EBF2: variants seen among roughly 807,000 people sequenced by gnomAD.
EBF2 encodes EBF transcription factor 2, also known as transcription factor COE2.
Under a neutral mutation model 72.8 loss-of-function variants are expected in EBF2, and 21 were observed. The observed-to-expected ratio is 0.29, with a 90% CI of 0.20 to 0.42. EBF2 has a LOEUF of 0.42. Ranked by LOEUF, EBF2 falls within the 10% of genes least tolerant of loss-of-function variation. The probability of loss-of-function intolerance (pLI) is 1.00; values close to 1 mark genes in which losing one functional copy is unlikely to be tolerated. For synonymous variants in EBF2, 299 were observed against 274.2 expected (o/e 1.09, Z -0.89); for missense variants, 637 against 731.2 (o/e 0.87, Z 1.49).
intron 7 of EBF2, among the ~76,000 whole-genome samples, chr8:25,900,073 C>T (rs1802925968): frequency 6.6e-6 from 1 of 152,214 alleles, no homozygotes; most frequent in Admixed American, 6.5e-5. Flanking sequence ...TCCAGCAGGC[C>T]CATCCTGGGC....
rs891709267 is a variant in EBF2 at position 25,844,469 on chromosome 8, T to C, written c.*140A>G. 2.9e-5 allele frequency: 26 copies of C among 887,866 alleles called. No individual in the cohort carries two copies. The African/African-American group carries it at 3.3e-4, about 11-fold the overall frequency. The allele number at this position is 887,866 out of a possible 1,614,324, so 55.0% of individuals were successfully genotyped here. On this transcript the variant is annotated 3_prime_UTR_variant, in exon 16 of 16. Coordinates refer to ENST00000520164, the MANE Select transcript of EBF2 (RefSeq NM_022659.4). ...TAGGAGGACGTGGGACCAAGTAAGATGCTGGCTCCTTGCAGACCCAAGGGT... is the reference window on the plus strand; with the variant it reads ...TAGGAGGACGTGGGACCAAGTAAGACGCTGGCTCCTTGCAGACCCAAGGGT...
intron 6 of EBF2, among the ~76,000 whole-genome samples, chr8:25,944,788 T>C (rs930463928): frequency 4.4e-4 from 65 of 149,346 alleles, no homozygotes; most frequent in Non-Finnish European, 2.5e-4. Context: ...TATATAATTA[T>C]ACATGTATAT....
chr8:25,912,703 A>G (rs1379111868), intron 6 of EBF2, among the ~76,000 whole-genome samples: 2 of 152,170 alleles, frequency 1.3e-5, no homozygotes, highest in African/African-American at 4.8e-5. Context: ...AAGTTCAGGC[A>G]CAGTGGCAAG....
At chr8:25,909,657 C>T (rs1294343167) in intron 6 of EBF2, among the ~76,000 whole-genome samples, 1 of 152,164 alleles carries the variant, frequency 6.6e-6, no homozygotes, top group Non-Finnish European at 1.5e-5. Context: ...GTGAAATGTT[C>T]TCATTGCGAC....
intron 6 of EBF2, among the ~76,000 whole-genome samples, chr8:25,945,012 AT>A (rs1803742191): frequency 6.6e-6 from 1 of 151,954 alleles, no homozygotes; most frequent in Non-Finnish European, 1.5e-5. Flanking sequence ...AATGGACTAG[AT>A]TTTAAGGCCA....
chr8:25,891,094 G>A (rs1462625812), intron 7 of EBF2, among the ~76,000 whole-genome samples: 1 of 152,188 alleles, frequency 6.6e-6, no homozygotes, highest in African/African-American at 2.4e-5. Flanking sequence ...TATAAGGCAT[G>A]GTCCCTAACC....
rs1480763824 is a variant in EBF2, at chr8:26,005,557, T to TAG, written c.551+27527_551+27528insCT. Among the ~76,000 whole-genome samples the TAG allele has an allele frequency of 5.4e-3, 242 of 45,066 alleles. 3 individuals carry two copies. Among genetic ancestry groups the TAG allele is most frequent in the Middle Eastern group, 0.016 (1 of 64 alleles). 29.6% of individuals were successfully genotyped at this position (45,066 alleles called of 152,430 possible). A position where few individuals can be genotyped will look rare whatever the true frequency, so the allele number is the denominator to read the frequency against. ...TATATATATTTTATATATATATATA[T>TAG]ATATAGAGAGAGAGAGAGAGAGGTA... is the stretch of plus-strand genomic sequence containing the variant. On this transcript the variant is annotated intron_variant, in intron 6 of 15. Transcript: ENST00000520164.
chr8:25,977,178 G>C (rs28418786), intron 6 of EBF2, among the ~76,000 whole-genome samples: 27,729 of 152,220 alleles, frequency 0.18, 3,278 homozygotes, highest in African/African-American at 0.33. Context: ...AGGCAGCTCT[G>C]TGCAAGGGAG....
chr8:25,972,712 A>G (rs1203785634), intron 6 of EBF2, among the ~76,000 whole-genome samples: 8 of 152,260 alleles, frequency 5.3e-5, no homozygotes, highest in Admixed American at 5.2e-4. Context: ...GTTCCCGGGC[A>G]CTGTGCCCCA....
At chr8:25,948,753 A>T (rs1408884906) in intron 6 of EBF2, among the ~76,000 whole-genome samples, 10 of 151,670 alleles carry the variant, frequency 6.6e-5, no homozygotes, top group Non-Finnish European at 1.5e-4. Flanking sequence ...AAAGATGAAT[A>T]TATCTCACAG....
At chr8:25,931,008 T>G (rs979327987) in intron 6 of EBF2, among the ~76,000 whole-genome samples, 1 of 152,156 alleles carries the variant, frequency 6.6e-6, no homozygotes, top group Non-Finnish European at 1.5e-5. Flanking sequence ...TGAACAGAGT[T>G]GAAGCGAATG....
At chr8:25,865,792 G>T (rs1238214363) in intron 10 of EBF2, among the ~76,000 whole-genome samples, 1 of 151,360 alleles carries the variant, frequency 6.6e-6, no homozygotes, top group Non-Finnish European at 1.5e-5. Context: ...TTGGGAGGCT[G>T]AGGCGGGCAG....
intron 14 of EBF2, among the ~76,000 whole-genome samples, chr8:25,851,862 A>C (rs1192556148): frequency 1.3e-5 from 2 of 152,188 alleles, no homozygotes; most frequent in East Asian, 3.8e-4. Context: ...CTGAAGGTCA[A>C]ATGTTCTGAT....
At chr8:25,872,703 C>CA (rs1270280934) in intron 10 of EBF2, among the ~76,000 whole-genome samples, 15 of 152,098 alleles carry the variant, frequency 9.9e-5, no homozygotes, top group Non-Finnish European at 2.2e-4. Context: ...ACAACAACAA[C>CA]AACAACAACA....
At chr8:25,914,475 G>T (rs1350110085) in intron 6 of EBF2, among the ~76,000 whole-genome samples, 1 of 152,152 alleles carries the variant, frequency 6.6e-6, no homozygotes, top group Non-Finnish European at 1.5e-5. Flanking sequence ...GCTACAAAGG[G>T]CCCTGAAGCT....
intron 6 of EBF2, among the ~76,000 whole-genome samples, chr8:26,000,855 G>A (rs1031627554): frequency 2.0e-5 from 3 of 152,194 alleles, no homozygotes; most frequent in South Asian, 2.1e-4. Flanking sequence ...AATGCCAGCC[G>A]AAGAGCTAAC....
intron 6 of EBF2, among the ~76,000 whole-genome samples, chr8:26,021,479 G>C (rs951914): frequency 0.68 from 102,866 of 152,076 alleles, 35,031 homozygotes; most frequent in South Asian, 0.74. Flanking sequence ...CCCCTCCACA[G>C]GCTGAGAAAG....
At chr8:25,929,620 C>T (rs1009233448) in intron 6 of EBF2, among the ~76,000 whole-genome samples, 1 of 152,056 alleles carries the variant, frequency 6.6e-6, no homozygotes, top group Non-Finnish European at 1.5e-5. Context: ...CTTCTAAGTT[C>T]TATTCCTCTT....
At chr8:26,002,636 C>T (rs1804750075) in intron 6 of EBF2, among the ~76,000 whole-genome samples, 1 of 152,108 alleles carries the variant, frequency 6.6e-6, no homozygotes, top group African/African-American at 2.4e-5. Context: ...GTAAATACTG[C>T]AGGATGGAAA....
Sources: allele counts gnomAD v4.1 joint callset (sites outside exome capture counted in the v4.1 genomes callset), GRCh38; gene constraint gnomAD v4.1.1; transcripts MANE v1.5; gene names NCBI Gene and HGNC (gene_info 2026-07-23, HGNC 2026-07-21).